The following SPG11 variants were observed in gnomAD, a reference collection of about 807,000 sequenced individuals.
SPG11 encodes SPG11 vesicle trafficking associated, spatacsin, also known as spatacsin.
In SPG11, 222 loss-of-function variants were observed where a neutral mutation model predicts 274.0. That is an observed-to-expected ratio of 0.81 (90% confidence interval 0.73 to 0.91). SPG11 has a LOEUF of 0.91. Among genes scored for constraint, SPG11 ranks in the 40% least tolerant of loss-of-function variants. The pLI is 0.00. For synonymous variants in SPG11, 1,144 were observed against 1,039.7 expected (o/e 1.10, Z -1.93); for missense variants, 3,114 against 2,872.7 (o/e 1.08, Z -1.92).
intron 7 of SPG11, among the ~76,000 whole-genome samples, chr15:44,642,413 A>G (rs1276576255): frequency 6.7e-6 from 1 of 150,200 alleles, no homozygotes; most frequent in Non-Finnish European, 1.5e-5. Flanking sequence ...GAAAAGAAAA[A>G]AAAATATGTA....
chr15:44,565,011 A>G (rs2082280257), intron 38 of SPG11, among the ~76,000 whole-genome samples: 1 of 152,212 alleles, frequency 6.6e-6, no homozygotes, highest in Non-Finnish European at 1.5e-5. Flanking sequence ...ATCTGGGACT[A>G]CAGGTATATG....
intron 7 of SPG11, among the ~76,000 whole-genome samples, chr15:44,638,145 T>C (rs2084331820): frequency 6.6e-6 from 1 of 152,234 alleles, no homozygotes; most frequent in African/African-American, 2.4e-5. Flanking sequence ...CGGACCTGTA[T>C]TATTCAAAAC....
At position 44,596,925 on chromosome 15, in the gene SPG11, G is replaced by A. The variant is rs771193460; in HGVS notation, c.4020C>T (p.Ser1340=). ...QEIKRLSSES[S]SQWALVVQFC... ...ACTGCACCACTAATGCCCATTGGCT[G>A]CTAGATTCACTGGATAACCTATAAT... The change falls in exon 24 of 40, where the codon AGC becomes AGT. Residue 1340 remains serine (S), a synonymous_variant. Transcript: ENST00000261866. The A allele has an allele frequency of 6.2e-7, 1 of 1,613,942 alleles. No homozygotes were observed. The highest frequency in any genetic ancestry group is 1.7e-5 in the Admixed American group (1 of 60,000).
intron 26 of SPG11, 124 bp downstream of exon 26, chr15:44,595,135 T>C (rs1835328604): frequency 1.0e-6 from 1 of 968,752 alleles, no homozygotes; most frequent in Non-Finnish European, 1.6e-6. Context: ...GTACTTCTAA[T>C]ATTATCATCA....
intron 20 of SPG11, among the ~76,000 whole-genome samples, chr15:44,604,931 CAAAAAAA>C (rs908048525): frequency 2.9e-3 from 65 of 22,494 alleles, no homozygotes; most frequent in Non-Finnish European, 4.4e-3. Flanking sequence ...ACTCCATCTC[CAAAAAAA>C]AAAAAAAAAA....
At chr15:44,572,974 G>C (rs1452651549) in intron 32 of SPG11, 154 bp from the exon 33 acceptor site, 2 of 520,392 alleles carry the variant, frequency 3.8e-6, no homozygotes, top group East Asian at 3.9e-5. Context: ...TTATAGGACA[G>C]GAGTTCTTTT....
Position 44,628,776 on chromosome 15 carries a change from T to C in SPG11, c.1960A>G (p.Met654Val). The part of the protein sequence containing the change: ...TSYINELRTF[M>V]IKFPWKLTDA... ...GTTAGCTTCCAAGGAAACTTTATCATGAAGGTTCGAAGTTCATTAATGTAG... is the reference window on the plus strand; with the variant it reads ...GTTAGCTTCCAAGGAAACTTTATCACGAAGGTTCGAAGTTCATTAATGTAG... The change falls in exon 10 of 40, where the codon ATG becomes GTG. Residue 654 changes from methionine to valine, a missense_variant. Coordinates refer to ENST00000261866, the MANE Select transcript of SPG11 (RefSeq NM_025137.4). The C allele has an allele frequency of 1.9e-6, 3 of 1,613,788 alleles. No individual in the cohort carries two copies. The South Asian group carries it at 3.3e-5, about 18-fold the overall frequency.
At chr15:44,650,811 A>G (rs56215820) in intron 6 of SPG11, among the ~76,000 whole-genome samples, 1 of 151,942 alleles carries the variant, frequency 6.6e-6, no homozygotes, top group East Asian at 1.9e-4. Context: ...GCAGTGGTGC[A>G]ATCTCGGCTC....
At chr15:44,593,703 G>A (rs985709735) in intron 26 of SPG11, among the ~76,000 whole-genome samples, 2 of 151,560 alleles carry the variant, frequency 1.3e-5, no homozygotes, top group Non-Finnish European at 2.9e-5. Context: ...TAAGTTTTGT[G>A]AGCCTTGATT....
intron 36 of SPG11, 62 bp from the exon 37 acceptor site, chr15:44,566,367 A>C: frequency 3.3e-6 from 5 of 1,501,362 alleles, no homozygotes; most frequent in Non-Finnish European, 4.6e-6. Context: ...TTCTCATCCC[A>C]CTCATTGTGA....
At chr15:44,635,268 T>C (rs1203866602) in intron 7 of SPG11, among the ~76,000 whole-genome samples, 2 of 151,772 alleles carry the variant, frequency 1.3e-5, no homozygotes, top group Non-Finnish European at 2.9e-5. Flanking sequence ...CCTAAAATAT[T>C]TACTGTCTGA....
chr15:44,604,184 T>C (rs1294289133), intron 20 of SPG11: 2 of 433,474 alleles, frequency 4.6e-6, no homozygotes, highest in African/African-American at 2.1e-5. Flanking sequence ...ACTTTTCACA[T>C]TGTGACCTGA....
chr15:44,562,999 G>C lies in SPG11; in HGVS notation c.*122C>G, dbSNP rs926864290. On this transcript the variant is annotated 3_prime_UTR_variant, in exon 40 of 40. Coordinates refer to ENST00000261866, the MANE Select transcript of SPG11 (RefSeq NM_025137.4). ...TACTTGCTACCTACTACCCACAAAG[G>C]ACTGATATGGTACAGTACCGGGATT... 9 of 940,278 alleles carry C rather than the reference G, an allele frequency of 9.6e-6. No individual in the cohort carries two copies. Among genetic ancestry groups the C allele is most frequent in the Non-Finnish European group, 1.5e-5 (9 of 602,308 alleles). 58.2% of individuals were successfully genotyped at this position (940,278 alleles called of 1,614,324 possible). A position where few individuals can be genotyped will look rare whatever the true frequency, so the allele number is the denominator to read the frequency against.
intron 3 of SPG11, among the ~76,000 whole-genome samples, chr15:44,658,277 T>G (rs1436080422): frequency 6.6e-6 from 1 of 152,136 alleles, no homozygotes; most frequent in Non-Finnish European, 1.5e-5. Flanking sequence ...TAAGGGGTAA[T>G]TTGTCAAATC....
intron 37 of SPG11, 90 bp downstream of exon 37, chr15:44,566,127 T>A: frequency 6.3e-7 from 1 of 1,590,030 alleles, no homozygotes; most frequent in Non-Finnish European, 8.6e-7. Context: ...GCCCTCCCGC[T>A]TCACCTGGAA....
chr15:44,615,787 A>G (rs2083579470), intron 15 of SPG11, among the ~76,000 whole-genome samples: 1 of 152,198 alleles, frequency 6.6e-6, no homozygotes, highest in Non-Finnish European at 1.5e-5. Flanking sequence ...GACTCAAGCT[A>G]TCTTTATTAT....
intron 17 of SPG11, 78 bp from the exon 18 acceptor site, chr15:44,611,063 T>TAC (rs1386380553): frequency 4.6e-6 from 2 of 438,942 alleles, no homozygotes; most frequent in Non-Finnish European, 6.7e-6. Context: ...GTGAGAACAA[T>TAC]AACATAAATT....
intron 8 of SPG11, among the ~76,000 whole-genome samples, chr15:44,632,503 A>G (rs2084098427): frequency 6.6e-6 from 1 of 151,976 alleles, no homozygotes; most frequent in African/African-American, 2.4e-5. Context: ...AAAAAAGCAG[A>G]GAAGTCTGGG....
chr15:44,598,971 C>A, intron 21 of SPG11, 135 bp from the exon 22 acceptor site: 1 of 880,184 alleles, frequency 1.1e-6, no homozygotes, highest in Non-Finnish European at 1.8e-6. Context: ...TACCTTTTGC[C>A]CCTTGCACAT....
Sources: allele counts gnomAD v4.1 joint callset (sites outside exome capture counted in the v4.1 genomes callset), GRCh38; gene constraint gnomAD v4.1.1; transcripts MANE v1.5; gene names NCBI Gene and HGNC (gene_info 2026-07-23, HGNC 2026-07-21).